BARX2: variants seen among roughly 807,000 people sequenced by gnomAD.
The protein encoded by BARX2 is homeobox protein BarH-like 2.
Under a neutral mutation model 25.5 loss-of-function variants are expected in BARX2, and 11 were observed. The observed-to-expected ratio is 0.43, with a 90% confidence interval of 0.27 to 0.71. BARX2 has a LOEUF of 0.71. Ranked by LOEUF, BARX2 falls within the 30% of genes least tolerant of loss-of-function variation. The pLI is 0.19. For missense variants in BARX2, 360 were observed against 359.9 expected (o/e 1.00, Z 0.00); for synonymous variants, 137 against 149.5 (o/e 0.92, Z 0.61).
chr11:129,406,201 C>G (rs889461137), intron 1 of BARX2, among the ~76,000 whole-genome samples: 1 of 152,210 alleles, frequency 6.6e-6, no homozygotes, highest in Non-Finnish European at 1.5e-5. Flanking sequence ...TTTAAACAAA[C>G]ATTTAAGGAG....
At chr11:129,412,566 A>G (rs933424143) in intron 1 of BARX2, among the ~76,000 whole-genome samples, 1 of 152,252 alleles carries the variant, frequency 6.6e-6, no homozygotes, top group Non-Finnish European at 1.5e-5. Flanking sequence ...CTGCACTCAC[A>G]TTGATACCCA....
upstream of BARX2, among the ~76,000 whole-genome samples, chr11:129,375,488 C>T (rs189321623): frequency 3.9e-3 from 599 of 152,218 alleles, 6 homozygotes; most frequent in East Asian, 0.021. The surrounding 1 kb of genome is among the most constrained non-coding windows in gnomAD (Gnocchi z 4.0). Context: ...GGGAACACTG[C>T]CCCGGGGAGC....
chr11:129,450,425 G>C (rs1210458644), intron 3 of BARX2, among the ~76,000 whole-genome samples: 1 of 152,194 alleles, frequency 6.6e-6, no homozygotes. Context: ...ATTATGCTAA[G>C]AATCTGTTTT....
Position 129,436,902 on chromosome 11 carries a change from C to T in BARX2, c.339C>T (p.Gly113=), listed in dbSNP as rs372773378. 70 of 1,613,840 alleles carry T rather than the reference C, an allele frequency of 4.3e-5. No individual in the cohort carries two copies. Among genetic ancestry groups the T allele is most frequent in the Middle Eastern group, 1.6e-4 (1 of 6,084 alleles). ...TEAVSAEAPG[G]EALASSESET... ...CGGTCTCTGCTGAGGCCCCAGGGGG[C>T]GAGGCCCTAGCCAGCAGCGAGTCAG... The change falls in exon 2 of 4, where the codon GGC becomes GGT. Residue 113 remains glycine (G), a synonymous_variant. Transcript: ENST00000281437. The surrounding 1 kb of genome is among the most constrained non-coding windows in gnomAD (Gnocchi z 4.5).
At chr11:129,448,205 T>TA (rs1196696683) in intron 3 of BARX2, among the ~76,000 whole-genome samples, 1 of 152,168 alleles carries the variant, frequency 6.6e-6, no homozygotes, top group Non-Finnish European at 1.5e-5. Context: ...AGAATATGAG[T>TA]AAGTATCCAT....
intron 1 of BARX2, among the ~76,000 whole-genome samples, chr11:129,434,691 G>A (rs1862169496): frequency 6.6e-6 from 1 of 152,170 alleles, no homozygotes; most frequent in Non-Finnish European, 1.5e-5. Context: ...CAGTGAATAT[G>A]CTTGTATATA....
chr11:129,399,389 C>T (rs1861753602), intron 1 of BARX2, among the ~76,000 whole-genome samples: 1 of 151,616 alleles, frequency 6.6e-6, no homozygotes, highest in Non-Finnish European at 1.5e-5. Flanking sequence ...ACCTCTCTGT[C>T]TCTCTCTCTC....
intron 1 of BARX2, among the ~76,000 whole-genome samples, chr11:129,428,985 A>G (rs1366878739): frequency 6.7e-6 from 1 of 149,356 alleles, no homozygotes; most frequent in East Asian, 2.0e-4. Flanking sequence ...GCTTTAAGTC[A>G]CTATTATTTA....
intron 2 of BARX2, 157 bp downstream of exon 2, chr11:129,437,208 A>G (rs1862202200): frequency 2.3e-6 from 2 of 883,650 alleles, no homozygotes; most frequent in Non-Finnish European, 1.6e-6. Context: ...CTTGGTTAAC[A>G]GAACCCAGCC....
intron 1 of BARX2, among the ~76,000 whole-genome samples, chr11:129,409,957 C>T (rs1396788959): frequency 6.6e-6 from 1 of 152,168 alleles, no homozygotes; most frequent in Non-Finnish European, 1.5e-5. Flanking sequence ...TCCCATTTCT[C>T]TACTTTGTAT....
At chr11:129,393,247 C>G (rs1359150277) in intron 1 of BARX2, among the ~76,000 whole-genome samples, 2 of 152,066 alleles carry the variant, frequency 1.3e-5, no homozygotes, top group East Asian at 3.9e-4. Context: ...AAAACAACAG[C>G]AACAAAAAGA....
intron 1 of BARX2, among the ~76,000 whole-genome samples, chr11:129,415,683 T>C (rs1225656300): frequency 6.6e-6 from 1 of 152,226 alleles, no homozygotes; most frequent in African/African-American, 2.4e-5. Context: ...GGCCAAGGAA[T>C]GAATGTATCC....
At chr11:129,391,344 C>T (rs1861663732) in intron 1 of BARX2, among the ~76,000 whole-genome samples, 1 of 152,192 alleles carries the variant, frequency 6.6e-6, no homozygotes, top group South Asian at 2.1e-4. Flanking sequence ...GAACACAGCA[C>T]ATGCACCAGT....
At chr11:129,411,490 G>T (rs1165575219) in intron 1 of BARX2, among the ~76,000 whole-genome samples, 2 of 152,034 alleles carry the variant, frequency 1.3e-5, no homozygotes, top group Non-Finnish European at 2.9e-5. Context: ...TTGCTTACAT[G>T]GCAATTCTGT....
chr11:129,443,008 A>C, intron 3 of BARX2, 89 bp downstream of exon 3: 1 of 1,226,166 alleles, frequency 8.2e-7, no homozygotes, highest in East Asian at 2.4e-5. Flanking sequence ...ACCATTTGGC[A>C]GTTTGGGCTG....
intron 1 of BARX2, among the ~76,000 whole-genome samples, chr11:129,385,581 A>G (rs1188817735): frequency 2.0e-5 from 3 of 152,198 alleles, no homozygotes; most frequent in Non-Finnish European, 4.4e-5. Context: ...AAATGGTTGA[A>G]AAGGCACAAA....
At chr11:129,431,453 A>G (rs1862128653) in intron 1 of BARX2, among the ~76,000 whole-genome samples, 1 of 152,186 alleles carries the variant, frequency 6.6e-6, no homozygotes, top group Admixed American at 6.5e-5. Flanking sequence ...CCTCACCAGC[A>G]CTTGATATTG....
intron 1 of BARX2, among the ~76,000 whole-genome samples, chr11:129,378,890 A>G (rs1861533029): frequency 6.6e-6 from 1 of 151,902 alleles, no homozygotes; most frequent in African/African-American, 2.4e-5. Context: ...TGCTCTGTGG[A>G]TTTAGTAACC....
chr11:129,413,408 G>A (rs1001364731), intron 1 of BARX2, among the ~76,000 whole-genome samples: 1 of 152,152 alleles, frequency 6.6e-6, no homozygotes, highest in African/African-American at 2.4e-5. Context: ...CGTGGCAAAT[G>A]TATTTCTTGA....
Sources: allele counts gnomAD v4.1 joint callset (sites outside exome capture counted in the v4.1 genomes callset), GRCh38; gene constraint gnomAD v4.1.1; non-coding constraint Gnocchi (gnomAD v3.1); transcripts MANE v1.5; gene names NCBI Gene and HGNC (gene_info 2026-07-23, HGNC 2026-07-21).